DLST: variants seen among roughly 807,000 people sequenced by gnomAD.
DLST encodes dihydrolipoyllysine-residue succinyltransferase component of 2-oxoglutarate dehydrogenase complex, mitochondrial.
Under a neutral mutation model 53.1 loss-of-function variants are expected in DLST, and 17 were observed. That is an observed-to-expected ratio of 0.32 (90% CI 0.22 to 0.48). The LOEUF (loss-of-function observed/expected upper bound fraction) is 0.48. DLST is among the 20% of genes least tolerant of loss of function. The pLI is 0.99. For synonymous variants in DLST, 206 were observed against 204.8 expected, an observed-to-expected ratio of 1.01 and a Z score of -0.05; for missense variants, 512 against 583.9, an observed-to-expected ratio of 0.88 and a Z score of 1.27.
Position 74,899,018 on chromosome 14 carries a change from G to A in DLST, c.901+519G>A, listed in dbSNP as rs114728027. 3.8e-3 allele frequency among the ~76,000 whole-genome samples: 572 copies of A among 152,282 alleles called. 2 individuals carry two copies. The highest frequency in any genetic ancestry group is 0.013 in the African/African-American group (537 of 41,556). On this transcript the variant is annotated intron_variant, in intron 11 of 14. Transcript: ENST00000334220. ...GACCTAACAAGCACTTTGTTTTCCTGTTGACACACTTCTCTGTTCCTTGGG... is the reference window on the plus strand; with the variant it reads ...GACCTAACAAGCACTTTGTTTTCCTATTGACACACTTCTCTGTTCCTTGGG...
At chr14:74,891,667 A>T (rs1251792501) in intron 7 of DLST, 2 of 984,578 alleles carry the variant, frequency 2.0e-6, no homozygotes, top group South Asian at 4.7e-5. Context: ...ACGAATTTGT[A>T]CTGGACCTGA....
At position 74,902,276 on chromosome 14, in the gene DLST, C is replaced by T. The variant is rs748735309; in HGVS notation, c.1308C>T (p.Leu436=). 1 of 1,613,450 alleles carries T rather than the reference C, an allele frequency of 6.2e-7. No individual in the cohort carries two copies. Among genetic ancestry groups the T allele is most frequent in the Non-Finnish European group, 8.5e-7 (1 of 1,179,732 alleles). The change falls in exon 15 of 15, where the codon CTC becomes CTT. Residue 436 remains leucine (L), a synonymous_variant. Transcript: ENST00000334220. ...LIDGREAVTF[L]RKIKAAVEDP... ...ATGGCAGAGAGGCTGTGACTTTCCT[C>T]CGCAAAATCAAGGCAGCGGTAGAGG...
chr14:74,889,215 G>T (rs1327309188), intron 4 of DLST, 60 bp from the exon 5 acceptor site: 1 of 1,606,678 alleles, frequency 6.2e-7, no homozygotes, highest in Non-Finnish European at 8.5e-7. Context: ...TTTAATTAAA[G>T]AAAAATATTA....
chr14:74,883,903 C>A (rs764470268), intron 2 of DLST, among the ~76,000 whole-genome samples: 7 of 152,162 alleles, frequency 4.6e-5, no homozygotes, highest in Non-Finnish European at 7.4e-5. Flanking sequence ...TAGATAGACT[C>A]TAGCCTCGAG....
chr14:74,892,004 G>A, intron 7 of DLST: 1 of 348,760 alleles, frequency 2.9e-6, no homozygotes, highest in Non-Finnish European at 4.0e-6. Flanking sequence ...ATTTAAAGTT[G>A]TGAGATTATT....
At chr14:74,891,730 C>T in intron 7 of DLST, 1 of 984,920 alleles carries the variant, frequency 1.0e-6, no homozygotes, top group Non-Finnish European at 1.2e-6. Context: ...TTTATAACCA[C>T]TAAAAAGTCT....
intron 9 of DLST, 122 bp from the exon 10 acceptor site, chr14:74,894,190 G>A: frequency 3.5e-6 from 4 of 1,132,044 alleles, no homozygotes; most frequent in Non-Finnish European, 4.9e-6. Flanking sequence ...TGGAGCTCGT[G>A]TACTTAGATA....
intron 14 of DLST, 26 bp from the exon 15 acceptor site, chr14:74,902,170 A>G (rs368592343): frequency 1.6e-5 from 25 of 1,525,708 alleles, no homozygotes; most frequent in South Asian, 1.6e-4. Flanking sequence ...GCTGGAGACA[A>G]ACCTATTTAC....
intron 10 of DLST, among the ~76,000 whole-genome samples, chr14:74,897,061 A>T (rs893828007): frequency 1.4e-4 from 21 of 152,200 alleles, no homozygotes; most frequent in African/African-American, 5.1e-4. Flanking sequence ...GAAGCTACTT[A>T]ATGACCAGAC....
chr14:74,882,020 C>A lies in DLST; in HGVS notation c.63+4C>A. ...CTCGCTCTCCGCCTTCCAGAAGGTA[C>A]GGTCTGGCCGAGCCGGGGCCCCGAC... On this transcript the variant is annotated splice_donor_region_variant and intron_variant, in intron 1 of 14. Transcript: ENST00000334220. The A allele has an allele frequency of 6.4e-7, 1 of 1,556,020 alleles. No homozygotes were observed. Among genetic ancestry groups the A allele is most frequent in the South Asian group, 1.2e-5 (1 of 85,798 alleles).
chr14:74,882,443 C>A, intron 1 of DLST, 148 bp from the exon 2 acceptor site: 1 of 717,466 alleles, frequency 1.4e-6, no homozygotes, highest in Non-Finnish European at 2.4e-6. Flanking sequence ...TTGATTGGGT[C>A]TGCCAGCACG....
intron 5 of DLST, 51 bp downstream of exon 5, chr14:74,889,400 T>C (rs6574199): frequency 0.56 from 796,921 of 1,429,776 alleles, 228,236 homozygotes; most frequent in African/African-American, 0.87. Context: ...GACAGAGTCT[T>C]GCTCTGTTCC....
chr14:74,901,531 G>A (rs1884245685), intron 14 of DLST, among the ~76,000 whole-genome samples: 1 of 152,184 alleles, frequency 6.6e-6, no homozygotes, highest in African/African-American at 2.4e-5. Flanking sequence ...CTATGGAGTG[G>A]GGGATATAGT....
chr14:74,896,779 A>G (rs560603608), intron 10 of DLST, among the ~76,000 whole-genome samples: 9 of 152,384 alleles, frequency 5.9e-5, no homozygotes, highest in Non-Finnish European at 1.3e-4. Flanking sequence ...CCAGTTTCTT[A>G]AGACAAAACA....
At chr14:74,893,666 C>T (rs1174354473) in intron 9 of DLST, among the ~76,000 whole-genome samples, 3 of 152,162 alleles carry the variant, frequency 2.0e-5, no homozygotes, top group Non-Finnish European at 2.9e-5. Context: ...CAGTGAAAGC[C>T]TTGGGTAAGT....
intron 7 of DLST, 119 bp downstream of exon 7, chr14:74,891,286 T>G: frequency 6.6e-7 from 1 of 1,514,698 alleles, no homozygotes; most frequent in Non-Finnish European, 8.9e-7. Flanking sequence ...TGCCCTTAGT[T>G]GAGGGAATAA....
intron 13 of DLST, 86 bp from the exon 14 acceptor site, chr14:74,900,980 C>G: frequency 1.4e-6 from 2 of 1,467,978 alleles, no homozygotes; most frequent in Non-Finnish European, 1.9e-6. Flanking sequence ...CCTGCCTCGG[C>G]CTCCCAAAGC....
chr14:74,898,555 A>G (rs1452144744), intron 11 of DLST, 56 bp downstream of exon 11: 12 of 1,570,220 alleles, frequency 7.6e-6, no homozygotes, highest in African/African-American at 1.4e-5. Flanking sequence ...GTATGAGCAC[A>G]GACCTGCTCC....
intron 1 of DLST, among the ~76,000 whole-genome samples, chr14:74,882,257 C>T (rs546726646): frequency 1.6e-4 from 25 of 152,286 alleles, no homozygotes; most frequent in East Asian, 7.7e-4. Flanking sequence ...TGTACCCCAC[C>T]CTCCGCGCGG....
Sources: allele counts gnomAD v4.1 joint callset (sites outside exome capture counted in the v4.1 genomes callset), GRCh38; gene constraint gnomAD v4.1.1; transcripts MANE v1.5; gene names NCBI Gene and HGNC (gene_info 2026-07-23, HGNC 2026-07-21).